The following UNC5D variants were observed in gnomAD, a reference collection of about 807,000 sequenced individuals.
UNC5D encodes the protein unc-5 netrin receptor D.
A neutral mutation model predicts 105.4 loss-of-function variants in UNC5D; 39 were observed. The observed-to-expected ratio is 0.37, with a 90% CI of 0.29 to 0.48. UNC5D has a LOEUF of 0.48. Ranked by LOEUF, UNC5D falls within the 20% of genes least tolerant of loss-of-function variation. UNC5D has a pLI of 0.98. For synonymous variants in UNC5D, 452 were observed against 450.4 expected (o/e 1.00, Z -0.04); for missense variants, 991 against 1,202.4 (o/e 0.82, Z 2.60).
At chr8:35,543,502 T>C (rs1238804699) in intron 1 of UNC5D, among the ~76,000 whole-genome samples, 1 of 152,186 alleles carries the variant, frequency 6.6e-6, no homozygotes, top group Non-Finnish European at 1.5e-5. Flanking sequence ...AGAATGGCAG[T>C]GCCTTTCGCC....
intron 1 of UNC5D, among the ~76,000 whole-genome samples, chr8:35,404,351 G>T (rs1009209579): frequency 6.6e-6 from 1 of 152,128 alleles, no homozygotes; most frequent in Admixed American, 6.6e-5. Flanking sequence ...CCAGCAGCAG[G>T]GTTTGAGAAG....
At position 35,536,061 on chromosome 8, in the gene UNC5D, G is replaced by A. The variant is rs574141792; in HGVS notation, c.104-13231G>A. On this transcript the variant is annotated intron_variant, in intron 1 of 16. Coordinates refer to ENST00000404895, the MANE Select transcript of UNC5D (RefSeq NM_080872.4). ...AGCCCACATTTCTTTCCCTGTAGCA[G>A]ATTGCCTCTTGATAAAAAATATCAG... Among the ~76,000 whole-genome samples the A allele has an allele frequency of 8.5e-5, 13 of 152,290 alleles. No individual in the cohort carries two copies. The South Asian group carries it at 2.5e-3, about 29-fold the overall frequency.
intron 1 of UNC5D, among the ~76,000 whole-genome samples, chr8:35,295,075 C>T (rs1807381216): frequency 6.6e-6 from 1 of 152,118 alleles, no homozygotes; most frequent in Non-Finnish European, 1.5e-5. Flanking sequence ...ACAATAGCAA[C>T]AGGAGGTGGC....
chr8:35,279,290 C>T (rs12676225), intron 1 of UNC5D, among the ~76,000 whole-genome samples: 11,546 of 152,242 alleles, frequency 0.076, 674 homozygotes, highest in East Asian at 0.21. Flanking sequence ...ATAAAACAAA[C>T]TCAAAAGGAA....
At chr8:35,351,984 G>A (rs1413006958) in intron 1 of UNC5D, among the ~76,000 whole-genome samples, 1 of 152,014 alleles carries the variant, frequency 6.6e-6, no homozygotes, top group Non-Finnish European at 1.5e-5. Context: ...TCTTGAAAGT[G>A]ATTCACATAT....
At chr8:35,343,958 A>G (rs1055121631) in intron 1 of UNC5D, among the ~76,000 whole-genome samples, 1 of 152,114 alleles carries the variant, frequency 6.6e-6, no homozygotes, top group African/African-American at 2.4e-5. Flanking sequence ...AAGACTACCT[A>G]TCAAAATTGA....
intron 16 of UNC5D, among the ~76,000 whole-genome samples, chr8:35,775,732 T>A (rs1802216105): frequency 6.6e-6 from 1 of 152,080 alleles, no homozygotes; most frequent in African/African-American, 2.4e-5. Context: ...GGAGGGTAGA[T>A]GTCTGCCAAG....
At chr8:35,382,912 G>A (rs1329944424) in intron 1 of UNC5D, among the ~76,000 whole-genome samples, 10 of 152,174 alleles carry the variant, frequency 6.6e-5, no homozygotes, top group South Asian at 2.1e-4. Flanking sequence ...TAACGCTGTC[G>A]TCGTCTACTT....
intron 4 of UNC5D, among the ~76,000 whole-genome samples, chr8:35,645,760 A>G (rs972247792): frequency 7.2e-5 from 11 of 152,036 alleles, no homozygotes; most frequent in Non-Finnish European, 7.4e-5. Context: ...TATTATCTTG[A>G]GGGTATTGTT....
Position 35,456,648 on chromosome 8 carries a change from G to A in UNC5D, c.104-92644G>A, listed in dbSNP as rs1001330267. The stretch of plus-strand genomic sequence containing the variant: ...TTTGCCTAAAAGTACAAACGTATTA[G>A]GTGAGTCAAGATCCACTTGACCATA... On this transcript the variant is annotated intron_variant, in intron 1 of 16. Transcript: ENST00000404895. Among the ~76,000 whole-genome samples, 6 of 152,116 alleles carry A rather than the reference G, an allele frequency of 3.9e-5. No homozygotes were observed. In the South Asian group the frequency reaches 1.0e-3, roughly 26 times the overall value.
chr8:35,409,160 G>A (rs1804996204), intron 1 of UNC5D, among the ~76,000 whole-genome samples: 1 of 151,940 alleles, frequency 6.6e-6, no homozygotes, highest in African/African-American at 2.4e-5. Context: ...AAATATTTGA[G>A]TTGGTTCCAG....
chr8:35,415,029 A>C (rs910162255), intron 1 of UNC5D, among the ~76,000 whole-genome samples: 1 of 152,102 alleles, frequency 6.6e-6, no homozygotes, highest in African/African-American at 2.4e-5. Context: ...GGTAGACCTC[A>C]CCTTAGGTCT....
chr8:35,300,780 T>C (rs552021095), intron 1 of UNC5D, among the ~76,000 whole-genome samples: 1 of 152,288 alleles, frequency 6.6e-6, no homozygotes, highest in African/African-American at 2.4e-5. Flanking sequence ...GTTCTTGGAT[T>C]GAGGAAATAG....
intron 1 of UNC5D, among the ~76,000 whole-genome samples, chr8:35,244,893 G>C (rs1258327932): frequency 6.6e-6 from 1 of 151,814 alleles, no homozygotes; most frequent in Admixed American, 6.6e-5. Flanking sequence ...GTTCGTGCCT[G>C]TAGTCCCAGC....
intron 1 of UNC5D, among the ~76,000 whole-genome samples, chr8:35,476,775 T>C (rs1810132594): frequency 2.0e-5 from 3 of 152,332 alleles, no homozygotes; most frequent in Middle Eastern, 6.8e-3. Context: ...TGTTTATTTT[T>C]CTTCTCAAAG....
intron 1 of UNC5D, among the ~76,000 whole-genome samples, chr8:35,436,242 A>T (rs1807007409): frequency 6.6e-6 from 1 of 152,048 alleles, no homozygotes; most frequent in South Asian, 2.1e-4. Context: ...CAATATTTTG[A>T]TTATACACTG....
intron 4 of UNC5D, among the ~76,000 whole-genome samples, chr8:35,639,629 A>G (rs903473646): frequency 1.3e-5 from 2 of 152,358 alleles, no homozygotes; most frequent in African/African-American, 4.8e-5. Context: ...CTATAAACAC[A>G]TATTACCTTA....
chr8:35,409,795 C>T (rs141464729), intron 1 of UNC5D, among the ~76,000 whole-genome samples: 1 of 152,048 alleles, frequency 6.6e-6, no homozygotes, highest in East Asian at 1.9e-4. Context: ...ACATCTAAAC[C>T]CATCATCACC....
chr8:35,777,037 C>T (rs1314046873), intron 16 of UNC5D, among the ~76,000 whole-genome samples: 6 of 152,154 alleles, frequency 3.9e-5, no homozygotes, highest in African/African-American at 1.4e-4. Context: ...GGGCGGATCA[C>T]GAGGTCAGGA....
Sources: allele counts gnomAD v4.1 joint callset (sites outside exome capture counted in the v4.1 genomes callset), GRCh38; gene constraint gnomAD v4.1.1; transcripts MANE v1.5; gene names NCBI Gene and HGNC (gene_info 2026-07-23, HGNC 2026-07-21).